ANKRD30B: variants seen among roughly 807,000 people sequenced by gnomAD.
ANKRD30B encodes the protein ankyrin repeat domain-containing protein 30B.
A neutral mutation model predicts 202.2 loss-of-function variants in ANKRD30B; 144 were observed. The ratio of observed to expected loss-of-function variants is 0.71; its 90% CI spans 0.62 to 0.82. The LOEUF is 0.82. Ranked by LOEUF, ANKRD30B falls within the 40% of genes least tolerant of loss-of-function variation. The pLI, the probability that ANKRD30B is intolerant of heterozygous loss-of-function variation, is 0.00. For synonymous variants in ANKRD30B, 508 were observed against 561.3 expected (o/e 0.91, Z 1.34); for missense variants, 1,487 against 1,669.1 (o/e 0.89, Z 1.90).
At chr18:14,933,364 CA>C in the ANKRD30B span, among the ~76,000 whole-genome samples, 1 of 152,218 alleles carries the variant, frequency 6.6e-6, no homozygotes, top group African/African-American at 2.4e-5. Flanking sequence ...TCCTGTTCTG[CA>C]GTGCAGGCCA....
intron 14 of ANKRD30B, 128 bp downstream of exon 14, chr18:14,784,663 C>T: frequency 9.6e-7 from 1 of 1,037,658 alleles, no homozygotes; most frequent in Non-Finnish European, 1.3e-6. Flanking sequence ...AATGCCAATA[C>T]TGGTATTTAT....
chr18:14,796,154 G>C (rs1482147143), intron 16 of ANKRD30B, 67 bp from the exon 17 acceptor site: 5 of 1,432,360 alleles, frequency 3.5e-6, no homozygotes, highest in East Asian at 2.3e-5. Flanking sequence ...TATTCACATT[G>C]TACGAATGCT....
the ANKRD30B span, among the ~76,000 whole-genome samples, chr18:14,917,171 A>G: frequency 6.6e-6 from 1 of 152,194 alleles, no homozygotes; most frequent in South Asian, 2.1e-4. Flanking sequence ...GCAGGCTATT[A>G]TGCATGTCAT....
chr18:14,860,966 G>T, the ANKRD30B span, among the ~76,000 whole-genome samples: 28 of 152,118 alleles, frequency 1.8e-4, no homozygotes, highest in Admixed American at 1.8e-3. Flanking sequence ...CTCCCAAAGT[G>T]CTAGGATTAC....
At chr18:14,899,023 T>C in the ANKRD30B span, among the ~76,000 whole-genome samples, 1 of 152,304 alleles carries the variant, frequency 6.6e-6, no homozygotes, top group East Asian at 1.9e-4. Context: ...TTCCTTGATA[T>C]AGACCATAAA....
the ANKRD30B span, among the ~76,000 whole-genome samples, chr18:14,882,867 T>C: frequency 1.3e-5 from 2 of 152,220 alleles, no homozygotes; most frequent in African/African-American, 4.8e-5. Flanking sequence ...TGCCTGTCTT[T>C]GTCTCTTTTA....
At chr18:14,889,342 G>A in the ANKRD30B span, among the ~76,000 whole-genome samples, 1 of 152,038 alleles carries the variant, frequency 6.6e-6, no homozygotes, top group Non-Finnish European at 1.5e-5. Flanking sequence ...TGTCTTCAAT[G>A]GTAATGGAAG....
At chr18:14,856,172 G>C (rs548312657), downstream of ANKRD30B, among the ~76,000 whole-genome samples, 2 of 146,486 alleles carry the variant, frequency 1.4e-5, no homozygotes, top group African/African-American at 5.1e-5. Flanking sequence ...AGGCAGAGGC[G>C]CTCCTCACTT....
At chr18:14,875,063 A>G in the ANKRD30B span, among the ~76,000 whole-genome samples, 14 of 152,190 alleles carry the variant, frequency 9.2e-5, no homozygotes, top group Admixed American at 3.9e-4. Flanking sequence ...AAATATGAGC[A>G]GACGTTTTCA....
At chr18:14,795,853 A>ATT (rs60666067) in intron 16 of ANKRD30B, among the ~76,000 whole-genome samples, 1 of 139,408 alleles carries the variant, frequency 7.2e-6, no homozygotes. Context: ...CCTAGGACTT[A>ATT]TTTTTTTTTT....
the ANKRD30B span, among the ~76,000 whole-genome samples, chr18:14,936,388 C>T: frequency 6.6e-6 from 1 of 152,148 alleles, no homozygotes. Flanking sequence ...TTGCTTGCTT[C>T]CTTACTTCCT....
the ANKRD30B span, among the ~76,000 whole-genome samples, chr18:14,899,113 T>TA: frequency 1.3e-5 from 2 of 152,244 alleles, no homozygotes; most frequent in East Asian, 3.9e-4. Flanking sequence ...TTGAATATAA[T>TA]AAAAAATTTG....
chr18:14,778,033 A>G lies in ANKRD30B; in HGVS notation c.1378A>G (p.Thr460Ala). ...GAATTATACGTGTTTACCTGATGCT[A>G]CATATCAAAAAGATATCAAAACAAT... ...AQNYTCLPDA[T>A]YQKDIKTINH... Residue 460 changes from threonine to alanine, a missense_variant, in exon 10 of 44, where the codon ACA (threonine) becomes GCA (alanine). Physicochemically the swap from Thr to Ala is moderately conservative, Grantham distance 58. Around this residue, in one of 6 missense-constraint regions of ANKRD30B, gnomAD observed 889 missense variants for 841.4 expected, o/e 1.06. Transcript: ENST00000690538. 1 of 1,549,426 alleles carries G rather than the reference A, an allele frequency of 6.5e-7. No individual in the cohort carries two copies. Among genetic ancestry groups the G allele is most frequent in the Non-Finnish European group, 8.7e-7 (1 of 1,145,210 alleles).
At chr18:14,754,067 A>C (rs1913934595) in intron 3 of ANKRD30B, among the ~76,000 whole-genome samples, 1 of 152,140 alleles carries the variant, frequency 6.6e-6, no homozygotes, top group African/African-American at 2.4e-5. Flanking sequence ...AGCCGAGAAA[A>C]AATTCTATTG....
chr18:14,893,119 G>T, the ANKRD30B span, among the ~76,000 whole-genome samples: 9 of 152,122 alleles, frequency 5.9e-5, no homozygotes, highest in African/African-American at 2.2e-4. Flanking sequence ...AAAGACAATT[G>T]CTTGGGGAGA....
chr18:14,847,666 G>A (rs1038417298), intron 39 of ANKRD30B, among the ~76,000 whole-genome samples: 2 of 151,000 alleles, frequency 1.3e-5, no homozygotes, highest in African/African-American at 4.9e-5. Flanking sequence ...GAATAGAGTT[G>A]AGTTACTTAT....
chr18:14,797,976 A>G (rs1328155774), intron 20 of ANKRD30B, 122 bp downstream of exon 20: 10 of 971,246 alleles, frequency 1.0e-5, no homozygotes, highest in Admixed American at 2.8e-5. Context: ...TTTGATACAA[A>G]TAATGCCAAT....
Position 14,760,592 on chromosome 18 carries a change from C to T in ANKRD30B, c.794C>T (p.Pro265Leu). 1 of 1,532,812 alleles carries T rather than the reference C, an allele frequency of 6.5e-7. No individual in the cohort carries two copies. The highest frequency in any genetic ancestry group is 8.8e-7 in the Non-Finnish European group (1 of 1,136,326). The allele number at this position is 1,532,812 out of a possible 1,614,324, so 95.0% of individuals were successfully genotyped here. Reference sequence around the variant, plus strand: ...CTTTTGGAACATATACGAAAATTACCTAAAAATCCTCAAAATACCAATCCA... The same window carrying T: ...CTTTTGGAACATATACGAAAATTACTTAAAAATCCTCAAAATACCAATCCA... ...QQLLEHIRKL[P>L]KNPQNTNPEG... The change falls in exon 6 of 44, where the codon CCT (proline) becomes CTT (leucine). Residue 265 changes from proline to leucine, a missense_variant. Physicochemically the swap from Pro to Leu is moderately conservative, Grantham distance 98. Around this residue, in one of 6 missense-constraint regions of ANKRD30B, gnomAD observed 889 missense variants for 841.4 expected, o/e 1.06. Transcript: ENST00000690538.
the ANKRD30B span, among the ~76,000 whole-genome samples, chr18:14,873,720 G>A: frequency 2.6e-5 from 4 of 151,972 alleles, no homozygotes; most frequent in African/African-American, 9.7e-5. Flanking sequence ...AATGCTGATG[G>A]AGTTCTCAAT....
Sources: gnomAD v4.1 joint callset for allele counts (sites outside exome capture counted in the v4.1 genomes callset) on GRCh38, gnomAD v4.1.1 for gene constraint, gnomAD v4.1.1 regional missense constraint, MANE v1.5 for transcripts, NCBI Gene and HGNC (gene_info 2026-07-23, HGNC 2026-07-21) for gene names.